The following ABI3BP variants were observed in gnomAD, a reference collection of about 807,000 sequenced individuals.
ABI3BP encodes target of Nesh-SH3.
A neutral mutation model predicts 268.6 loss-of-function variants in ABI3BP; 216 were observed. The observed-to-expected ratio is 0.80, with a 90% CI of 0.72 to 0.90. The LOEUF (loss-of-function observed/expected upper bound fraction) is 0.90, where lower values mean the gene tolerates loss of function less well. ABI3BP is among the 40% of genes least tolerant of loss of function. The pLI is 0.00. For missense variants in ABI3BP, 2,090 were observed against 2,182.4 expected (o/e 0.96, Z 0.84); for synonymous variants, 730 against 730.0 (o/e 1.00, Z 0.00).
At chr3:100,926,990 C>A (rs747044901) in intron 1 of ABI3BP, among the ~76,000 whole-genome samples, 4 of 152,008 alleles carry the variant, frequency 2.6e-5, no homozygotes, top group Non-Finnish European at 4.4e-5. Flanking sequence ...AGGCAGAGAA[C>A]GGTTGAGGAG....
chr3:100,967,879 C>A (rs950261406), intron 1 of ABI3BP, among the ~76,000 whole-genome samples: 1 of 151,776 alleles, frequency 6.6e-6, no homozygotes, highest in African/African-American at 2.4e-5. Context: ...ACAAGGGGCA[C>A]AGAAAAAGAA....
chr3:100,804,142 G>A (rs2152395747), intron 51 of ABI3BP, among the ~76,000 whole-genome samples: 1 of 152,230 alleles, frequency 6.6e-6, no homozygotes. Flanking sequence ...GCTTCCTAAG[G>A]CCACTTGAAG....
At chr3:100,838,511 C>T (rs377381894) in intron 24 of ABI3BP, 47 bp from the exon 25 acceptor site, 2 of 1,422,926 alleles carry the variant, frequency 1.4e-6, no homozygotes, top group East Asian at 2.5e-5. Flanking sequence ...ATGGCTGTGA[C>T]TGTCAAAATT....
intron 67 of ABI3BP, 75 bp from the exon 68 acceptor site, chr3:100,750,685 T>C: frequency 1.0e-6 from 1 of 990,894 alleles, no homozygotes; most frequent in East Asian, 2.6e-5. Context: ...GATTGAAGGA[T>C]GTCGTTGACT....
At chr3:100,825,137 C>A (rs1286902205) in intron 35 of ABI3BP, among the ~76,000 whole-genome samples, 196 bp from the exon 36 acceptor site, 1 of 152,050 alleles carries the variant, frequency 6.6e-6, no homozygotes, top group Non-Finnish European at 1.5e-5. Context: ...TGTATACAGT[C>A]GAGTTGCTCA....
intron 2 of ABI3BP, among the ~76,000 whole-genome samples, chr3:100,905,717 A>G (rs4060963): frequency 0.84 from 127,008 of 152,098 alleles, 53,269 homozygotes; most frequent in East Asian, 1. Context: ...AAATTGTGCA[A>G]TTTCAGTAAT....
chr3:100,803,102 C>A (rs1031762727), intron 51 of ABI3BP, among the ~76,000 whole-genome samples: 2 of 146,146 alleles, frequency 1.4e-5, no homozygotes, highest in African/African-American at 4.9e-5. Context: ...GATTTAGGGA[C>A]AGAAACTTAA....
intron 61 of ABI3BP, among the ~76,000 whole-genome samples, chr3:100,772,739 G>A (rs557326555): frequency 3.9e-5 from 6 of 152,234 alleles, no homozygotes; most frequent in South Asian, 4.2e-4. Context: ...AGATTTAAAT[G>A]TACCAATATC....
chr3:100,763,330 G>A (rs999134261), intron 63 of ABI3BP, among the ~76,000 whole-genome samples: 2 of 151,940 alleles, frequency 1.3e-5, no homozygotes, highest in African/African-American at 2.4e-5. Context: ...GGGTGTGGTG[G>A]TAGGTGCCCG....
intron 55 of ABI3BP, among the ~76,000 whole-genome samples, chr3:100,791,813 T>C (rs780864039): frequency 6.6e-6 from 1 of 151,934 alleles, no homozygotes; most frequent in Non-Finnish European, 1.5e-5. Flanking sequence ...GTAATAAATA[T>C]TGCCCCAGTG....
At position 100,830,110 on chromosome 3, in the gene ABI3BP, CATATATATATATATATATAT is replaced by C. The variant is rs559297681; in HGVS notation, c.2458+448_2459-447del. On this transcript the variant is annotated intron_variant, in intron 32 of 67. Coordinates refer to ENST00000471714, the MANE Select transcript of ABI3BP (RefSeq NM_001375547.2). ...ATACATATACATACATACATACATACATATATATATATATATATATATATATATATATATATATATATATA... is the reference window on the plus strand; with the variant it reads ...ATACATATACATACATACATACATACATATATATATATATATATATATATA... Among the ~76,000 whole-genome samples the C allele has an allele frequency of 9.7e-3, 436 of 44,752 alleles. 14 individuals are homozygous for C. The highest frequency in any genetic ancestry group is 0.028 in the African/African-American group (285 of 10,214). 29.4% of individuals were successfully genotyped at this position (44,752 alleles called of 152,430 possible). A position where few individuals can be genotyped will look rare whatever the true frequency, so the allele number is the denominator to read the frequency against.
chr3:100,907,895 C>G (rs951196561), intron 2 of ABI3BP, among the ~76,000 whole-genome samples: 2 of 152,102 alleles, frequency 1.3e-5, no homozygotes, highest in African/African-American at 2.4e-5. Context: ...GCGGGCAGAT[C>G]ATGAGGTCAG....
intron 1 of ABI3BP, among the ~76,000 whole-genome samples, chr3:100,941,974 G>A (rs1277071660): frequency 6.6e-6 from 1 of 152,024 alleles, no homozygotes; most frequent in East Asian, 1.9e-4. Context: ...CACAATCAAT[G>A]ATCATATATA....
chr3:100,956,796 A>G lies in ABI3BP; in HGVS notation c.80-30315T>C, dbSNP rs2153801071. Among the ~76,000 whole-genome samples the G allele has an allele frequency of 2.0e-5, 3 of 152,312 alleles. 1 individual carries two copies. In the South Asian group the frequency reaches 6.2e-4, roughly 32 times the overall value. ...AGGAAGGGAAACAGATCATGATAAT[A>G]ATGGACCATTCAGATATTTGGAGGA... On this transcript the variant is annotated intron_variant, in intron 1 of 67. Transcript: ENST00000471714.
chr3:100,840,703 T>C, intron 22 of ABI3BP, 117 bp downstream of exon 22: 2 of 822,910 alleles, frequency 2.4e-6, no homozygotes, highest in East Asian at 2.9e-5. Context: ...AACAGAGCAC[T>C]CACACACACA....
At chr3:100,898,733 A>T in intron 4 of ABI3BP, 29 bp downstream of exon 4, 1 of 1,603,638 alleles carries the variant, frequency 6.2e-7, no homozygotes. Flanking sequence ...GCATGTACAG[A>T]TGCTATTAAA....
intron 1 of ABI3BP, among the ~76,000 whole-genome samples, chr3:100,968,529 C>T (rs1462162136): frequency 6.6e-6 from 1 of 152,080 alleles, no homozygotes; most frequent in Non-Finnish European, 1.5e-5. Context: ...TAAAGGTAAT[C>T]ATTTAATCCA....
chr3:100,958,402 G>A (rs577412605), intron 1 of ABI3BP, among the ~76,000 whole-genome samples: 9 of 152,104 alleles, frequency 5.9e-5, no homozygotes, highest in South Asian at 2.1e-4. Flanking sequence ...TTAACCAGAC[G>A]GATAAGCAAC....
At chr3:100,932,695 T>C (rs2064104054) in intron 1 of ABI3BP, among the ~76,000 whole-genome samples, 1 of 151,938 alleles carries the variant, frequency 6.6e-6, no homozygotes, top group South Asian at 2.1e-4. Flanking sequence ...AGTCAGAAGA[T>C]AACAGATGCT....
Sources: gnomAD v4.1 joint callset for allele counts (sites outside exome capture counted in the v4.1 genomes callset) on GRCh38, gnomAD v4.1.1 for gene constraint, MANE v1.5 for transcripts, NCBI Gene and HGNC (gene_info 2026-07-23, HGNC 2026-07-21) for gene names.